The following GRIN2B variants were observed in gnomAD, a reference collection of about 807,000 sequenced individuals.
GRIN2B encodes glutamate ionotropic receptor NMDA type subunit 2B.
GRIN2B carries 5 observed loss-of-function variants against 114.5 expected under a neutral mutation model. The ratio of observed to expected loss-of-function variants is 0.04; its 90% CI spans 0.02 to 0.09. The LOEUF (loss-of-function observed/expected upper bound fraction) is 0.09, where lower values mean the gene tolerates loss of function less well. Among genes scored for constraint, GRIN2B ranks in the 10% least tolerant of loss-of-function variants. The pLI, the probability that GRIN2B is intolerant of heterozygous loss-of-function variation, is 1.00. For missense variants in GRIN2B, 1,108 were observed against 1,943.5 expected, an observed-to-expected ratio of 0.57 and a Z score of 8.08; for synonymous variants, 787 against 745.1, an observed-to-expected ratio of 1.06 and a Z score of -0.92.
chr12:13,943,217 T>A (rs1017662580), intron 2 of GRIN2B, among the ~76,000 whole-genome samples: 1 of 152,150 alleles, frequency 6.6e-6, no homozygotes, highest in Non-Finnish European at 1.5e-5. Flanking sequence ...GATCTTCTTA[T>A]TACTCCACCA....
At chr12:13,598,612 A>G (rs1300250357) in intron 10 of GRIN2B, among the ~76,000 whole-genome samples, 1 of 152,078 alleles carries the variant, frequency 6.6e-6, no homozygotes, top group Non-Finnish European at 1.5e-5. Context: ...CAGCCTTCCA[A>G]CAGCTACCCC....
At position 13,570,047 on chromosome 12, in the gene GRIN2B, T is replaced by A. The variant is rs560845010; in HGVS notation, c.2172-30A>T. The A allele has an allele frequency of 3.3e-6, 5 of 1,527,956 alleles. No individual in the cohort carries two copies. In the East Asian group the frequency reaches 9.0e-5, roughly 28 times the overall value. The allele number at this position is 1,527,956 out of a possible 1,614,324, so 94.6% of individuals were successfully genotyped here. A position where few individuals can be genotyped will look rare whatever the true frequency, so the allele number is the denominator to read the frequency against. On this transcript the variant is annotated intron_variant, in intron 11 of 13. Transcript: ENST00000609686. ...ACAGGAAAAAAGCAAACAAATCCAA[T>A]GGAGGAATTTTAGAACAAAACTACC...
chr12:13,893,585 C>T (rs560118973), intron 2 of GRIN2B, among the ~76,000 whole-genome samples: 7 of 152,158 alleles, frequency 4.6e-5, no homozygotes, highest in Non-Finnish European at 8.8e-5. Flanking sequence ...CTTGAGACCC[C>T]ACAGTGACCT....
intron 10 of GRIN2B, among the ~76,000 whole-genome samples, chr12:13,602,991 C>T (rs997854130): frequency 4.6e-5 from 7 of 152,168 alleles, no homozygotes; most frequent in Non-Finnish European, 8.8e-5. Context: ...GTGACTTTAG[C>T]AGCCTCCACC....
In GRIN2B at chr12:13,780,937, G is replaced by A. The variant is rs1282248537; in HGVS notation, c.412-27022C>T. ...AAAAAATGGAATAAATTTTATAGAT[G>A]TAGTATGAAACTATATTTTATTTTT... On this transcript the variant is annotated intron_variant, in intron 3 of 13. Transcript: ENST00000609686. Among the ~76,000 whole-genome samples, 4 of 151,480 alleles carry A rather than the reference G, an allele frequency of 2.6e-5. 1 individual carries two copies. The South Asian group carries it at 8.3e-4, about 32-fold the overall frequency.
chr12:13,911,627 C>T (rs938238340), intron 2 of GRIN2B, among the ~76,000 whole-genome samples: 2 of 152,126 alleles, frequency 1.3e-5, no homozygotes, highest in African/African-American at 4.8e-5. Flanking sequence ...TTCTCCCTCC[C>T]TTTTCCACGA....
At chr12:13,812,996 C>T (rs1013288531) in intron 3 of GRIN2B, among the ~76,000 whole-genome samples, 1 of 144,758 alleles carries the variant, frequency 6.9e-6, no homozygotes, top group Non-Finnish European at 1.5e-5. Context: ...TGCAGTGGTC[C>T]GAGCTTGATC....
intron 3 of GRIN2B, among the ~76,000 whole-genome samples, chr12:13,821,808 A>C (rs1864943525): frequency 2.0e-5 from 3 of 152,208 alleles, no homozygotes; most frequent in Admixed American, 6.5e-5. Flanking sequence ...TCAAGCCATC[A>C]TTCTATCCAG....
chr12:13,641,577 A>C (rs925544104), intron 5 of GRIN2B, among the ~76,000 whole-genome samples: 8 of 152,104 alleles, frequency 5.3e-5, no homozygotes, highest in African/African-American at 1.9e-4. Context: ...TTCTAATTGC[A>C]TCCCCCAAGA....
At chr12:13,657,715 T>C (rs901062588) in intron 5 of GRIN2B, among the ~76,000 whole-genome samples, 1 of 152,134 alleles carries the variant, frequency 6.6e-6, no homozygotes, top group Admixed American at 6.6e-5. Context: ...TTAAAAATCA[T>C]GGGATAAATA....
intron 2 of GRIN2B, among the ~76,000 whole-genome samples, chr12:13,961,836 G>A (rs1867697812): frequency 6.6e-6 from 1 of 152,128 alleles, no homozygotes; most frequent in Admixed American, 6.5e-5. Context: ...CTCCCTTAGA[G>A]TGGAGGTTGC....
intron 10 of GRIN2B, among the ~76,000 whole-genome samples, chr12:13,586,473 C>T (rs1007135775): frequency 2.6e-5 from 4 of 152,094 alleles, no homozygotes; most frequent in Non-Finnish European, 5.9e-5. Flanking sequence ...ACTGGGAAGC[C>T]GATGCCTCAC....
chr12:13,708,845 G>C (rs994244726), intron 4 of GRIN2B, among the ~76,000 whole-genome samples: 4 of 151,996 alleles, frequency 2.6e-5, no homozygotes, highest in African/African-American at 9.7e-5. Context: ...TATTTATTGA[G>C]TGCTTCCAAT....
intron 3 of GRIN2B, among the ~76,000 whole-genome samples, chr12:13,798,088 G>C (rs1177386578): frequency 6.6e-6 from 1 of 152,130 alleles, no homozygotes; most frequent in Admixed American, 6.5e-5. Flanking sequence ...CTGGCCTTTA[G>C]GCCATATTTT....
chr12:13,793,351 G>A lies in GRIN2B; in HGVS notation c.412-39436C>T, dbSNP rs1162103401. Among the ~76,000 whole-genome samples, 3 of 152,156 alleles carry A rather than the reference G, an allele frequency of 2.0e-5. No individual in the cohort carries two copies. The South Asian group carries it at 6.2e-4, about 32-fold the overall frequency. ...CTTGAGAATCTCTTGAACCTCAGAG[G>A]CGGAGGTTGCAGTGAGCTGAGATTG... On this transcript the variant is annotated intron_variant, in intron 3 of 13. Coordinates refer to ENST00000609686, the MANE Select transcript of GRIN2B (RefSeq NM_000834.5).
chr12:13,806,813 G>A (rs1224435738), intron 3 of GRIN2B, among the ~76,000 whole-genome samples: 4 of 152,102 alleles, frequency 2.6e-5, no homozygotes, highest in East Asian at 1.9e-4. Context: ...GTGTTATAAA[G>A]CTCTTTCCCA....
intron 2 of GRIN2B, among the ~76,000 whole-genome samples, chr12:13,949,883 A>G (rs1026937881): frequency 9.9e-5 from 15 of 152,234 alleles, no homozygotes; most frequent in Non-Finnish European, 1.8e-4. Context: ...TATGTTTATT[A>G]TGAACTTTAT....
rs1805497 is a variant in GRIN2B, at chr12:13,557,702, A to T, written c.*5081T>A. On this transcript the variant is annotated 3_prime_UTR_variant, in exon 14 of 14. Coordinates refer to ENST00000609686, the MANE Select transcript of GRIN2B (RefSeq NM_000834.5). ...AATAAAAGCAGGCGGAGGCCAAAAT[A>T]TGGTTTAAATGTCTTTGCCATCTAG... 1 of 152,244 alleles carries T rather than the reference A, an allele frequency of 6.6e-6. No homozygotes were observed. The highest frequency in any genetic ancestry group is 1.5e-5 in the Non-Finnish European group (1 of 68,042). The allele number at this position is 152,244 out of a possible 1,614,324, so 9.4% of individuals were successfully genotyped here.
chr12:13,578,689 G>A (rs1290308217), intron 10 of GRIN2B, among the ~76,000 whole-genome samples: 1 of 152,190 alleles, frequency 6.6e-6, no homozygotes, highest in Non-Finnish European at 1.5e-5. Context: ...AGTTTGCTGT[G>A]TAGCAATAGG....
Sources: gnomAD v4.1 joint callset for allele counts (sites outside exome capture counted in the v4.1 genomes callset) on GRCh38, gnomAD v4.1.1 for gene constraint, MANE v1.5 for transcripts, NCBI Gene and HGNC (gene_info 2026-07-23, HGNC 2026-07-21) for gene names.